Variants in ADAMTS16 observed in about 807,000 individuals in gnomAD.
ADAMTS16 encodes the protein ADAM metallopeptidase with thrombospondin type 1 motif 16.
ADAMTS16 carries 94 observed loss-of-function variants against 145.8 expected under a neutral mutation model. The observed-to-expected ratio is 0.64, with a 90% confidence interval of 0.55 to 0.77. The LOEUF (loss-of-function observed/expected upper bound fraction) is 0.77. ADAMTS16 is among the 30% of genes least tolerant of loss of function. The pLI, the probability that ADAMTS16 is intolerant of heterozygous loss-of-function variation, is 0.00. For synonymous variants in ADAMTS16, 659 were observed against 604.3 expected (o/e 1.09, Z -1.33); for missense variants, 1,585 against 1,591.5 (o/e 1.00, Z 0.07).
intron 9 of ADAMTS16, among the ~76,000 whole-genome samples, chr5:5,202,140 A>T (rs1211837773): frequency 1.3e-5 from 2 of 151,728 alleles, no homozygotes; most frequent in Admixed American, 1.3e-4. Context: ...TTCTCTAGGG[A>T]TCCTGGCTTC....
intron 3 of ADAMTS16, among the ~76,000 whole-genome samples, chr5:5,166,243 T>TCTCACA (rs1553987277): frequency 1.3e-5 from 2 of 149,556 alleles, no homozygotes; most frequent in African/African-American, 4.9e-5. Flanking sequence ...CCACTCACCA[T>TCTCACA]CACACACACA....
chr5:5,223,152 G>C (rs186472288), intron 11 of ADAMTS16: 433 of 460,166 alleles, frequency 9.4e-4, no homozygotes, highest in Non-Finnish European at 1.5e-3. Context: ...TCAGTCTATT[G>C]AGGGGAAACA....
intron 17 of ADAMTS16, among the ~76,000 whole-genome samples, chr5:5,258,660 G>A (rs889380192): frequency 1.3e-5 from 2 of 152,200 alleles, no homozygotes; most frequent in African/African-American, 4.8e-5. Context: ...CAGGTGGAGA[G>A]AACAGCAGGT....
Position 5,306,681 on chromosome 5 carries a change from G to A in ADAMTS16, c.3364G>A (p.Ala1122Thr). The A allele has an allele frequency of 1.2e-6, 2 of 1,613,856 alleles. No homozygotes were observed. Among genetic ancestry groups the A allele is most frequent in the Non-Finnish European group, 1.7e-6 (2 of 1,179,962 alleles). The change falls in exon 21 of 23, where the codon GCT (alanine) becomes ACT (threonine). Residue 1122 changes from alanine to threonine, a missense_variant. Ala to Thr is a moderately conservative substitution (Grantham distance 58). Coordinates refer to ENST00000274181, the MANE Select transcript of ADAMTS16 (RefSeq NM_139056.4). ...ATGCCCCAGGCACCCCCCATTTGCT[G>A]CTGCGGGACCCTCGAGGGGCAGCTG... The part of the protein sequence containing the change: ...LPCPRHPPFA[A>T]AGPSRGSWFA...
Position 5,319,159 on chromosome 5 carries a change from C to T in ADAMTS16, c.*21C>T. ...TGTGAGTTGGGACCGCTCTCCGTAG[C>T]AGAGAAAGTGCCTGCGTGGCACAGA... On this transcript the variant is annotated 3_prime_UTR_variant, in exon 23 of 23. Coordinates refer to ENST00000274181, the MANE Select transcript of ADAMTS16 (RefSeq NM_139056.4). 1.3e-6 allele frequency: 2 copies of T among 1,554,918 alleles called. No homozygotes were observed. The highest frequency in any genetic ancestry group is 1.8e-6 in the Non-Finnish European group (2 of 1,134,120).
chr5:5,299,024 G>A (rs74743338), intron 18 of ADAMTS16, among the ~76,000 whole-genome samples: 9 of 152,156 alleles, frequency 5.9e-5, no homozygotes, highest in Admixed American at 3.9e-4. Flanking sequence ...TGCGTCTCAC[G>A]GCATCCAGCA....
rs1236339154 is a variant in ADAMTS16, at chr5:5,319,920, C to T, written c.*782C>T. The T allele has an allele frequency of 2.2e-6, 1 of 455,426 alleles. No homozygotes were observed. The highest frequency in any genetic ancestry group is 2.3e-5 in the Admixed American group (1 of 42,560). 28.2% of individuals were successfully genotyped at this position (455,426 alleles called of 1,614,324 possible). The stretch of plus-strand genomic sequence containing the variant: ...TGAGTGTCCTTTTAAAAACACACTT[C>T]TTCATGCTTTTCTTTGTAAATGACA... On this transcript the variant is annotated 3_prime_UTR_variant, in exon 23 of 23. Coordinates refer to ENST00000274181, the MANE Select transcript of ADAMTS16 (RefSeq NM_139056.4).
At chr5:5,299,358 C>T (rs1430913069) in intron 18 of ADAMTS16, among the ~76,000 whole-genome samples, 3 of 149,804 alleles carry the variant, frequency 2.0e-5, no homozygotes, top group African/African-American at 7.3e-5. Context: ...GGCAGCAGCT[C>T]GGGCCCAGAC....
intron 14 of ADAMTS16, among the ~76,000 whole-genome samples, chr5:5,237,525 G>A (rs748412321): frequency 2.0e-5 from 3 of 152,132 alleles, no homozygotes; most frequent in Non-Finnish European, 4.4e-5. Context: ...CTGTGGGAAG[G>A]GTTGGGGTAA....
intron 9 of ADAMTS16, among the ~76,000 whole-genome samples, chr5:5,204,394 C>T (rs1370485817): frequency 6.6e-6 from 1 of 152,074 alleles, no homozygotes; most frequent in Non-Finnish European, 1.5e-5. Context: ...TGAATTTTGG[C>T]ATGATGAACG....
In ADAMTS16 at chr5:5,319,576, T is replaced by G. The variant is rs1734201760; in HGVS notation, c.*438T>G. ...TACCCCCTAGTTCACCAGCCTCCCC[T>G]CCCACTAGGAGGGCCCCTCGAGCCA... On this transcript the variant is annotated 3_prime_UTR_variant, in exon 23 of 23. Coordinates refer to ENST00000274181, the MANE Select transcript of ADAMTS16 (RefSeq NM_139056.4). The G allele has an allele frequency of 2.4e-5, 7 of 292,452 alleles. No homozygotes were observed. Among genetic ancestry groups the G allele is most frequent in the South Asian group, 2.2e-4 (7 of 31,448 alleles). The allele number at this position is 292,452 out of a possible 1,614,324, so 18.1% of individuals were successfully genotyped here. A position where few individuals can be genotyped will look rare whatever the true frequency, so the allele number is the denominator to read the frequency against.
At chr5:5,151,225 T>C (rs1488873994) in intron 3 of ADAMTS16, among the ~76,000 whole-genome samples, 3 of 145,382 alleles carry the variant, frequency 2.1e-5, no homozygotes, top group Non-Finnish European at 4.5e-5. Flanking sequence ...CTTATTTATT[T>C]ATTTATTTAT....
chr5:5,215,769 T>G (rs1251069188), intron 10 of ADAMTS16, among the ~76,000 whole-genome samples: 1 of 144,372 alleles, frequency 6.9e-6, no homozygotes, highest in African/African-American at 2.6e-5. Flanking sequence ...ATGTATGTGG[T>G]ATATATATAT....
chr5:5,280,531 C>T (rs1328211395), intron 18 of ADAMTS16, among the ~76,000 whole-genome samples: 1 of 152,158 alleles, frequency 6.6e-6, no homozygotes, highest in Non-Finnish European at 1.5e-5. Flanking sequence ...GGGAAAGTGT[C>T]TTGGAATTTC....
chr5:5,301,647 G>T (rs540962798), intron 18 of ADAMTS16, among the ~76,000 whole-genome samples: 1 of 152,176 alleles, frequency 6.6e-6, no homozygotes, highest in Admixed American at 6.5e-5. Flanking sequence ...AGCTCTCTGG[G>T]CTTCTGCTTT....
chr5:5,141,374 A>G (rs985853419), intron 2 of ADAMTS16, among the ~76,000 whole-genome samples: 5 of 152,202 alleles, frequency 3.3e-5, no homozygotes, highest in Admixed American at 3.3e-4. Context: ...ACATGAGGGC[A>G]AGTCTTATTC....
intron 3 of ADAMTS16, among the ~76,000 whole-genome samples, chr5:5,172,957 C>T (rs1735085841): frequency 6.6e-6 from 1 of 152,048 alleles, no homozygotes; most frequent in East Asian, 1.9e-4. Flanking sequence ...TGAACTGACC[C>T]TCATCAATAT....
Position 5,306,486 on chromosome 5 carries a change from T to C in ADAMTS16, c.3187-18T>C. On this transcript the variant is annotated intron_variant, in intron 20 of 22. Coordinates refer to ENST00000274181, the MANE Select transcript of ADAMTS16 (RefSeq NM_139056.4). The stretch of plus-strand genomic sequence containing the variant: ...AAGAGATTTTTTTCACTGACTTCTT[T>C]TGTTCTCTTCTTTTTAGTGCTCTGT... 1 of 1,593,120 alleles carries C rather than the reference T, an allele frequency of 6.3e-7. No homozygotes were observed.
chr5:5,176,396 A>G (rs1435711657), intron 3 of ADAMTS16, among the ~76,000 whole-genome samples: 2 of 152,212 alleles, frequency 1.3e-5, no homozygotes, highest in African/African-American at 4.8e-5. Flanking sequence ...AAATATTATC[A>G]TCTAAGCTCT....
Sources: allele counts gnomAD v4.1 joint callset (sites outside exome capture counted in the v4.1 genomes callset), GRCh38; gene constraint gnomAD v4.1.1; transcripts MANE v1.5; gene names NCBI Gene and HGNC (gene_info 2026-07-23, HGNC 2026-07-21).